The following GXYLT2 variants were observed in gnomAD, a reference collection of about 807,000 sequenced individuals.
GXYLT2 encodes glycosyltransferase 8 domain containing 4.
GXYLT2 carries 53 observed loss-of-function variants against 45.8 expected under a neutral mutation model. The observed-to-expected ratio is 1.16, with a 90% confidence interval of 0.93 to 1.46. The LOEUF (loss-of-function observed/expected upper bound fraction) is 1.46, where lower values mean the gene tolerates loss of function less well. Among genes scored for constraint, GXYLT2 ranks in the 40% most tolerant of loss-of-function variants. GXYLT2 has a pLI of 0.00. For synonymous variants in GXYLT2, 219 were observed against 214.2 expected, an observed-to-expected ratio of 1.02 and a Z score of -0.19; for missense variants, 551 against 544.4, an observed-to-expected ratio of 1.01 and a Z score of -0.12.
chr3:72,954,513 A>G (rs1575810945), intron 3 of GXYLT2, among the ~76,000 whole-genome samples: 1 of 150,930 alleles, frequency 6.6e-6, no homozygotes, highest in Non-Finnish European at 1.5e-5. Context: ...GGATCCAAAG[A>G]TGGAGAGTAT....
chr3:72,933,286 A>C (rs1042798627), intron 3 of GXYLT2, among the ~76,000 whole-genome samples: 1 of 152,238 alleles, frequency 6.6e-6, no homozygotes, highest in Non-Finnish European at 1.5e-5. Flanking sequence ...TAACGCTCCT[A>C]TTAAAACATC....
chr3:72,889,798 C>T (rs910656463), intron 1 of GXYLT2, among the ~76,000 whole-genome samples: 2 of 152,068 alleles, frequency 1.3e-5, no homozygotes, highest in Non-Finnish European at 2.9e-5. Flanking sequence ...AGGGACAGTG[C>T]TAACCGCAGT....
At position 72,900,279 on chromosome 3, in the gene GXYLT2, G is replaced by A. The variant is rs1234893181; in HGVS notation, c.276-8088G>A. On this transcript the variant is annotated intron_variant, in intron 1 of 6. Coordinates refer to ENST00000389617, the MANE Select transcript of GXYLT2 (RefSeq NM_001080393.2). Reference sequence around the variant, plus strand: ...TTGTCTCAGGCACCCTGGAGAGGAAGCATGGAAGTTGCTTCTCCCTCCTAG... The same window carrying A: ...TTGTCTCAGGCACCCTGGAGAGGAAACATGGAAGTTGCTTCTCCCTCCTAG... Among the ~76,000 whole-genome samples the A allele has an allele frequency of 2.0e-5, 3 of 152,194 alleles. No homozygotes were observed. The East Asian group carries it at 5.8e-4, about 29-fold the overall frequency.
intron 3 of GXYLT2, among the ~76,000 whole-genome samples, chr3:72,953,316 CAG>C (rs1553709874): frequency 6.6e-6 from 1 of 152,048 alleles, no homozygotes; most frequent in Non-Finnish European, 1.5e-5. Flanking sequence ...TATTTTGAGA[CAG>C]AGTCTCTGTC....
intron 2 of GXYLT2, among the ~76,000 whole-genome samples, chr3:72,914,546 T>TGTGTGCGC (rs796221070): frequency 7.0e-6 from 1 of 143,734 alleles, no homozygotes; most frequent in African/African-American, 2.7e-5. Flanking sequence ...TGTGTGTGTG[T>TGTGTGCGC]GCGCGCGCGC....
At chr3:72,943,631 C>T (rs1317712239) in intron 3 of GXYLT2, among the ~76,000 whole-genome samples, 3 of 152,098 alleles carry the variant, frequency 2.0e-5, no homozygotes, top group Non-Finnish European at 4.4e-5. Flanking sequence ...CCTGCCTTGG[C>T]CTCCCAAAGT....
At chr3:72,974,696 C>T (rs1711058225) in intron 6 of GXYLT2, among the ~76,000 whole-genome samples, 1 of 152,154 alleles carries the variant, frequency 6.6e-6, no homozygotes, top group Non-Finnish European at 1.5e-5. Context: ...GGTCCTCCCA[C>T]CTCGGCCTCT....
At chr3:72,970,181 T>C (rs1240095547) in intron 6 of GXYLT2, among the ~76,000 whole-genome samples, 1 of 151,782 alleles carries the variant, frequency 6.6e-6, no homozygotes, top group Non-Finnish European at 1.5e-5. Context: ...TAAAACCCCA[T>C]CTCTACTAAA....
chr3:72,926,219 A>G (rs979190102), intron 3 of GXYLT2, among the ~76,000 whole-genome samples: 17 of 152,258 alleles, frequency 1.1e-4, no homozygotes, highest in Admixed American at 1.1e-3. Context: ...CTAAGATTTT[A>G]CTATCTGAAT....
chr3:72,955,236 C>A lies in GXYLT2; in HGVS notation c.739C>A (p.Pro247Thr), dbSNP rs988133671. 5 of 1,614,032 alleles carry A rather than the reference C, an allele frequency of 3.1e-6. No individual in the cohort carries two copies. The highest frequency in any genetic ancestry group is 3.4e-6 in the Non-Finnish European group (4 of 1,179,894). ...LAAMAPEHEI[P>T]KIGWYSRFAR... ...AGCCATGGCCCCTGAGCACGAAATC[C>A]CCAAGATTGGCTGGTACAGCCGCTT... Residue 247 changes from proline (P) to threonine (T), a missense_variant, in exon 4 of 7, where the codon CCC (proline) becomes ACC (threonine). Coordinates refer to ENST00000389617, the MANE Select transcript of GXYLT2 (RefSeq NM_001080393.2).
At position 72,922,348 on chromosome 3, in the gene GXYLT2, G is replaced by A. The variant is rs1709847252; in HGVS notation, c.600+13G>A. ...ACTCTTTCTTCCGGTAGGAACACCT[G>A]TTTTTAATAAGTTGTAGCTTGCTCC... On this transcript the variant is annotated intron_variant, in intron 3 of 6. Transcript: ENST00000389617. The A allele has an allele frequency of 6.2e-7, 1 of 1,608,488 alleles. No homozygotes were observed.
intron 5 of GXYLT2, among the ~76,000 whole-genome samples, chr3:72,963,849 A>T (rs1710812984): frequency 6.6e-6 from 1 of 151,656 alleles, no homozygotes; most frequent in South Asian, 2.1e-4. Context: ...ATTTTTTTGT[A>T]TTTTTAGTAG....
intron 2 of GXYLT2, among the ~76,000 whole-genome samples, chr3:72,910,759 G>A (rs1360469489): frequency 2.0e-5 from 3 of 152,348 alleles, no homozygotes; most frequent in Non-Finnish European, 4.4e-5. Context: ...TTCCCTCAGT[G>A]TGGCAGTGAC....
chr3:72,888,999 T>G (rs1709124490), intron 1 of GXYLT2, among the ~76,000 whole-genome samples: 1 of 152,160 alleles, frequency 6.6e-6, no homozygotes, highest in Non-Finnish European at 1.5e-5. Flanking sequence ...GACCTAAGTT[T>G]ATTAAAAAGA....
chr3:72,951,025 A>T (rs1465075000), intron 3 of GXYLT2, among the ~76,000 whole-genome samples: 1 of 152,134 alleles, frequency 6.6e-6, no homozygotes, highest in Non-Finnish European at 1.5e-5. Flanking sequence ...CCTCATTGCT[A>T]GTGCTGGCTA....
rs3078688 is a variant in GXYLT2, at chr3:72,954,399, CTGTGTGTG to C, written c.601-671_601-664del. Among the ~76,000 whole-genome samples, 45 of 133,890 alleles carry C rather than the reference CTGTGTGTG, an allele frequency of 3.4e-4. No homozygotes were observed. The South Asian group carries it at 3.9e-3, about 12-fold the overall frequency. 87.8% of individuals were successfully genotyped at this position (133,890 alleles called of 152,430 possible). On this transcript the variant is annotated intron_variant, in intron 3 of 6. Transcript: ENST00000389617. ...GGAATTACAGGCCACTGCTCCCAGCCTGTGTGTGTGTGTGTGTGTGTGTGTGTGTGTGT... is the reference window on the plus strand; with the variant it reads ...GGAATTACAGGCCACTGCTCCCAGCCTGTGTGTGTGTGTGTGTGTGTGTGT...
chr3:72,955,017 G>C (rs768553381), intron 3 of GXYLT2, 81 bp from the exon 4 acceptor site: 4 of 1,448,494 alleles, frequency 2.8e-6, no homozygotes, highest in East Asian at 2.3e-5. Context: ...TACCTATCAG[G>C]CTACTTCCTT....
At chr3:72,964,182 G>C (rs1443214401) in intron 5 of GXYLT2, among the ~76,000 whole-genome samples, 5 of 152,118 alleles carry the variant, frequency 3.3e-5, no homozygotes, top group Non-Finnish European at 1.5e-5. Context: ...GAGCTAGATG[G>C]GGGTAGAAGC....
At chr3:72,902,185 T>G (rs1216087254) in intron 1 of GXYLT2, among the ~76,000 whole-genome samples, 1 of 152,224 alleles carries the variant, frequency 6.6e-6, no homozygotes, top group Admixed American at 6.5e-5. Context: ...TTTCAATTCC[T>G]GTAGGTATAT....
Sources: allele counts gnomAD v4.1 joint callset (sites outside exome capture counted in the v4.1 genomes callset), GRCh38; gene constraint gnomAD v4.1.1; transcripts MANE v1.5; gene names NCBI Gene and HGNC (gene_info 2026-07-23, HGNC 2026-07-21).